The following WDPCP variants were observed in gnomAD, a reference collection of about 807,000 sequenced individuals.
WDPCP encodes WD repeat-containing and planar cell polarity effector protein fritz homolog.
Under a neutral mutation model 93.1 loss-of-function variants are expected in WDPCP, and 71 were observed. The observed-to-expected ratio is 0.76, with a 90% CI of 0.63 to 0.93. WDPCP has a LOEUF of 0.93. Ranked by LOEUF, WDPCP falls within the 40% of genes least tolerant of loss-of-function variation. The pLI is 0.00. For synonymous variants in WDPCP, 315 were observed against 315.0 expected (o/e 1.00, Z 0.00); for missense variants, 844 against 887.4 (o/e 0.95, Z 0.62).
intron 3 of WDPCP, among the ~76,000 whole-genome samples, chr2:63,595,997 C>T (rs1709304845): frequency 6.6e-6 from 1 of 152,118 alleles, no homozygotes; most frequent in African/African-American, 2.4e-5. Flanking sequence ...ATCCCATCTA[C>T]CAATCATCAG....
intron 1 of WDPCP, chr2:63,564,099 C>G (rs535183145): frequency 6.6e-6 from 1 of 152,266 alleles, no homozygotes; most frequent in South Asian, 2.1e-4. Flanking sequence ...TCTCATGTTG[C>G]TAAACTTTGG....
chr2:63,684,465 T>C (rs1668777737), intron 2 of WDPCP: 1 of 787,328 alleles, frequency 1.3e-6, no homozygotes, highest in Non-Finnish European at 2.3e-6. Flanking sequence ...CGCAAAGTGA[T>C]AGCTGTCATG....
At chr2:63,386,931 T>A (rs1399449522) in intron 10 of WDPCP, among the ~76,000 whole-genome samples, 3 of 152,076 alleles carry the variant, frequency 2.0e-5, no homozygotes, top group African/African-American at 7.2e-5. Flanking sequence ...CTGTCAAGAT[T>A]GAATCAGGAA....
chr2:63,278,776 A>G (rs1182969142), intron 13 of WDPCP, among the ~76,000 whole-genome samples: 1 of 152,212 alleles, frequency 6.6e-6, no homozygotes, highest in African/African-American at 2.4e-5. Context: ...CAGTGAGCCA[A>G]GATCATGCCA....
intron 2 of WDPCP, among the ~76,000 whole-genome samples, chr2:63,681,551 G>T (rs1024691128): frequency 1.3e-5 from 2 of 152,158 alleles, no homozygotes; most frequent in Non-Finnish European, 2.9e-5. Context: ...AGACTTCTAA[G>T]GTTTTTGTCT....
chr2:63,429,631 A>G (rs1294210448), intron 9 of WDPCP, among the ~76,000 whole-genome samples: 1 of 152,182 alleles, frequency 6.6e-6, no homozygotes, highest in Non-Finnish European at 1.5e-5. Flanking sequence ...CAAAACCAAA[A>G]TGAGATACCA....
At chr2:63,543,641 T>C (rs1282411776) in intron 1 of WDPCP, among the ~76,000 whole-genome samples, 3 of 152,076 alleles carry the variant, frequency 2.0e-5, no homozygotes, top group Non-Finnish European at 4.4e-5. Flanking sequence ...AAGCTGATTC[T>C]TTAATAATTT....
At chr2:63,397,717 T>C (rs1693843054) in intron 10 of WDPCP, among the ~76,000 whole-genome samples, 1 of 152,156 alleles carries the variant, frequency 6.6e-6, no homozygotes, top group South Asian at 2.1e-4. Flanking sequence ...GAGACATGTA[T>C]TTATCAAGTA....
Position 63,737,179 on chromosome 2 carries a change from G to T in WDPCP, n.308+76443C>A, listed in dbSNP as rs370383727. ...GCAATCCTTCAAGCCATGTCCCACT[G>T]CCCACCAAAAGCACTACCACCACTG... is the stretch of plus-strand genomic sequence containing the variant. On this transcript the variant is annotated intron_variant and non_coding_transcript_variant, in intron 2 of 4. Transcript: ENST00000467687. 7.9e-5 allele frequency among the ~76,000 whole-genome samples: 12 copies of T among 152,108 alleles called. No homozygotes were observed. The East Asian group carries it at 1.2e-3, about 15-fold the overall frequency.
At chr2:63,420,426 C>T (rs865899536) in intron 9 of WDPCP, among the ~76,000 whole-genome samples, 4 of 150,144 alleles carry the variant, frequency 2.7e-5, no homozygotes, top group Admixed American at 2.0e-4. Flanking sequence ...CCCAGCTATT[C>T]GGGAGGCTGA....
intron 1 of WDPCP, among the ~76,000 whole-genome samples, chr2:63,512,291 T>A (rs1253208993): frequency 6.6e-6 from 1 of 152,184 alleles, no homozygotes; most frequent in Non-Finnish European, 1.5e-5. Flanking sequence ...ACACTGTTGG[T>A]GGGAGTGTAA....
chr2:63,159,752 C>T (rs775163358), intron 15 of WDPCP, among the ~76,000 whole-genome samples: 1 of 152,068 alleles, frequency 6.6e-6, no homozygotes, highest in Non-Finnish European at 1.5e-5. Context: ...AGTGTGTGTA[C>T]CATCCAGTAG....
chr2:63,440,187 G>A, intron 6 of WDPCP: 1 of 237,422 alleles, frequency 4.2e-6, no homozygotes, highest in South Asian at 8.0e-5. Context: ...CTTTGTTTTG[G>A]ATTCAGAAAA....
At chr2:63,554,305 T>C (rs1345346135) in intron 1 of WDPCP, among the ~76,000 whole-genome samples, 2 of 152,236 alleles carry the variant, frequency 1.3e-5, no homozygotes, top group Non-Finnish European at 2.9e-5. Context: ...CATGCTCTTC[T>C]AGGTTCATTA....
chr2:63,457,737 T>A (rs949311313), intron 6 of WDPCP, among the ~76,000 whole-genome samples: 1 of 152,124 alleles, frequency 6.6e-6, no homozygotes, highest in Admixed American at 6.5e-5. Context: ...AGAAAAAGCA[T>A]GTAATAAAAT....
At chr2:63,226,695 T>C (rs911777795) in intron 14 of WDPCP, among the ~76,000 whole-genome samples, 4 of 151,926 alleles carry the variant, frequency 2.6e-5, no homozygotes, top group African/African-American at 9.7e-5. Flanking sequence ...CTGTAGAACA[T>C]ACATTTATGA....
chr2:63,684,676 A>G, intron 2 of WDPCP: 1 of 681,304 alleles, frequency 1.5e-6, no homozygotes, highest in Non-Finnish European at 2.8e-6. Context: ...GATACAAGAT[A>G]GGCAAGAACA....
intron 10 of WDPCP, among the ~76,000 whole-genome samples, chr2:63,385,167 C>T (rs1692629237): frequency 6.6e-6 from 1 of 152,068 alleles, no homozygotes; most frequent in African/African-American, 2.4e-5. Context: ...AAAGGGACTT[C>T]CTCAATATAA....
intron 7 of WDPCP, 76 bp from the exon 8 acceptor site, chr2:63,437,630 G>T: frequency 1.5e-6 from 2 of 1,359,848 alleles, no homozygotes; most frequent in East Asian, 2.4e-5. Context: ...GTTACAAAAA[G>T]CTATTTTCAA....
Sources: allele counts gnomAD v4.1 joint callset (sites outside exome capture counted in the v4.1 genomes callset), GRCh38; gene constraint gnomAD v4.1.1; transcripts MANE v1.5; gene names NCBI Gene and HGNC (gene_info 2026-07-23, HGNC 2026-07-21).